Variants in TENM2 observed in about 807,000 individuals in gnomAD.
The protein encoded by TENM2 is teneurin-2.
A neutral mutation model predicts 245.2 loss-of-function variants in TENM2; 52 were observed. That is an observed-to-expected ratio of 0.21 (90% CI 0.17 to 0.27). TENM2 has a LOEUF of 0.27. TENM2 is among the 10% of genes least tolerant of loss of function. The probability of loss-of-function intolerance (pLI) is 1.00; values close to 1 mark genes in which losing one functional copy is unlikely to be tolerated. For synonymous variants in TENM2, 1,363 were observed against 1,438.9 expected (o/e 0.95, Z 1.19); for missense variants, 3,046 against 3,666.8 (o/e 0.83, Z 4.37).
intron 2 of TENM2, among the ~76,000 whole-genome samples, chr5:167,616,910 G>T (rs541136823): frequency 2.0e-5 from 3 of 152,130 alleles, no homozygotes; most frequent in Non-Finnish European, 2.9e-5. Context: ...TTGAGCATTT[G>T]TTCTGTAGGG....
the TENM2 span, among the ~76,000 whole-genome samples, chr5:167,083,815 G>A: frequency 6.6e-6 from 1 of 152,154 alleles, no homozygotes; most frequent in South Asian, 2.1e-4. Context: ...AGAGCAAAAA[G>A]ATTATGCCTC....
At chr5:167,650,853 C>T (rs1322778619) in intron 2 of TENM2, among the ~76,000 whole-genome samples, 2 of 152,060 alleles carry the variant, frequency 1.3e-5, no homozygotes, top group African/African-American at 4.8e-5. Context: ...CCAGTATAAA[C>T]CAATGCATGT....
At chr5:167,173,037 C>A in the TENM2 span, among the ~76,000 whole-genome samples, 1 of 152,094 alleles carries the variant, frequency 6.6e-6, no homozygotes, top group Non-Finnish European at 1.5e-5. Flanking sequence ...ACAAAAGGCA[C>A]CTAAAATATA....
At chr5:167,227,765 C>A in the TENM2 span, among the ~76,000 whole-genome samples, 1 of 152,132 alleles carries the variant, frequency 6.6e-6, no homozygotes, top group African/African-American at 2.4e-5. Context: ...ATTTAATGAT[C>A]TCTGAGCCTG....
At chr5:167,468,931 A>G (rs1001199530) in intron 2 of TENM2, among the ~76,000 whole-genome samples, 8 of 152,190 alleles carry the variant, frequency 5.3e-5, no homozygotes, top group Admixed American at 5.2e-4. Flanking sequence ...TTGAAGGTCT[A>G]CCTTTCCCAT....
intron 3 of TENM2, among the ~76,000 whole-genome samples, chr5:167,906,847 G>A (rs1187613598): frequency 1.3e-5 from 2 of 152,178 alleles, no homozygotes; most frequent in African/African-American, 4.8e-5. Flanking sequence ...AAAGAGGAGG[G>A]AGTGGGGAGG....
At position 167,529,219 on chromosome 5, in the gene TENM2, G is replaced by A. The variant is rs141526051; in HGVS notation, c.502+153746G>A. 7.0e-3 allele frequency among the ~76,000 whole-genome samples: 1,058 copies of A among 152,108 alleles called. 18 individuals carry two copies. Among genetic ancestry groups the A allele is most frequent in the African/African-American group, 0.024 (996 of 41,506 alleles). ...TTATAAATTGGAATCTTAAGGTTGA[G>A]AAAAAGCAAATCAGTCAGCAAATGG... On this transcript the variant is annotated intron_variant, in intron 2 of 28. Coordinates refer to ENST00000518659, the Ensembl canonical transcript of TENM2.
At chr5:168,062,614 A>G (rs1203605942) in intron 7 of TENM2, among the ~76,000 whole-genome samples, 1 of 152,218 alleles carries the variant, frequency 6.6e-6, no homozygotes, top group African/African-American at 2.4e-5. Context: ...TGATAGCCAA[A>G]CAGTAGAACC....
chr5:167,910,650 T>G (rs1776473624), intron 3 of TENM2, among the ~76,000 whole-genome samples: 1 of 152,204 alleles, frequency 6.6e-6, no homozygotes, highest in Non-Finnish European at 1.5e-5. Context: ...TCCAAAAAAC[T>G]AACCTTTATA....
chr5:167,212,954 T>C, the TENM2 span, among the ~76,000 whole-genome samples: 1 of 152,164 alleles, frequency 6.6e-6, no homozygotes, highest in South Asian at 2.1e-4. Flanking sequence ...AATAGGACAA[T>C]GTAGATATAC....
intron 2 of TENM2, among the ~76,000 whole-genome samples, chr5:167,791,222 T>C (rs907431915): frequency 6.6e-6 from 1 of 151,904 alleles, no homozygotes; most frequent in Non-Finnish European, 1.5e-5. Flanking sequence ...TTTTGTATAC[T>C]TTTGATTTCT....
intron 3 of TENM2, among the ~76,000 whole-genome samples, chr5:167,918,774 CTTTTT>C (rs36028538): frequency 7.1e-6 from 1 of 141,100 alleles, no homozygotes. Context: ...TATTTTTCTC[CTTTTT>C]TTTTTTTTTT....
chr5:167,145,135 T>C, the TENM2 span, among the ~76,000 whole-genome samples: 1 of 152,326 alleles, frequency 6.6e-6, no homozygotes, highest in East Asian at 1.9e-4. Context: ...TACTCCGTAA[T>C]AATCTCCTCA....
chr5:167,889,418 G>T (rs1388281758), intron 3 of TENM2, among the ~76,000 whole-genome samples: 1 of 152,146 alleles, frequency 6.6e-6, no homozygotes, highest in Admixed American at 6.6e-5. Flanking sequence ...ATTTCAATCT[G>T]TTCCATCTGA....
the TENM2 span, among the ~76,000 whole-genome samples, chr5:167,245,835 A>T: frequency 1.3e-5 from 2 of 152,142 alleles, no homozygotes; most frequent in African/African-American, 2.4e-5. Flanking sequence ...TTCTAACTGG[A>T]GGTAGAAACT....
intron 2 of TENM2, among the ~76,000 whole-genome samples, chr5:167,531,168 C>T (rs1771473996): frequency 6.6e-6 from 1 of 152,142 alleles, no homozygotes; most frequent in Non-Finnish European, 1.5e-5. Context: ...GTATTCCCCC[C>T]TTATACCTCT....
chr5:167,641,181 T>C (rs551751908), intron 2 of TENM2, among the ~76,000 whole-genome samples: 44 of 152,128 alleles, frequency 2.9e-4, no homozygotes, highest in Admixed American at 2.0e-3. Flanking sequence ...TGCATGTTTA[T>C]AGAAGTTCAT....
At chr5:167,169,825 T>C in the TENM2 span, among the ~76,000 whole-genome samples, 4 of 152,212 alleles carry the variant, frequency 2.6e-5, no homozygotes, top group South Asian at 2.1e-4. Context: ...ATGCATTTGT[T>C]TGATGTAGTT....
At chr5:167,162,709 G>A in the TENM2 span, among the ~76,000 whole-genome samples, 11 of 151,128 alleles carry the variant, frequency 7.3e-5, no homozygotes, top group East Asian at 2.1e-3. Context: ...ATTTTTTTGT[G>A]TAATTGAAAT....
Sources: gnomAD v4.1 joint callset for allele counts (sites outside exome capture counted in the v4.1 genomes callset) on GRCh38, gnomAD v4.1.1 for gene constraint, MANE v1.5 for transcripts, NCBI Gene and HGNC (gene_info 2026-07-23, HGNC 2026-07-21) for gene names.